The following RBM28 variants were observed in gnomAD, a reference collection of about 807,000 sequenced individuals.
RBM28 encodes the protein RNA binding motif protein 28.
RBM28 carries 78 observed loss-of-function variants against 98.3 expected under a neutral mutation model. The observed-to-expected ratio is 0.79, with a 90% CI of 0.66 to 0.96. The LOEUF (loss-of-function observed/expected upper bound fraction) is 0.96, where lower values mean the gene tolerates loss of function less well. Among genes scored for constraint, RBM28 ranks in the 40% least tolerant of loss-of-function variants. RBM28 has a pLI of 0.00. For synonymous variants in RBM28, 306 were observed against 330.9 expected (o/e 0.92, Z 0.82); for missense variants, 838 against 913.0 (o/e 0.92, Z 1.06).
In RBM28 at chr7:128,298,580, C is replaced by CT. The variant is rs1795739164; in HGVS notation, c.*12216_*12217insA. ...ATGAACGGATTTATTTTCAAATGCC[C>CT]CCCATTGCTCTTCTTTAAATATACA... is the stretch of plus-strand genomic sequence containing the variant. On this transcript the variant is annotated 3_prime_UTR_variant, in exon 19 of 19. Transcript: ENST00000223073. 6.6e-6 allele frequency: 1 copy of CT among 151,144 alleles called. No homozygotes were observed. The highest frequency in any genetic ancestry group is 1.5e-5 in the Non-Finnish European group (1 of 67,892). The allele number at this position is 151,144 out of a possible 1,614,324, so 9.4% of individuals were successfully genotyped here. A position where few individuals can be genotyped will look rare whatever the true frequency, so the allele number is the denominator to read the frequency against.
intron 14 of RBM28, among the ~76,000 whole-genome samples, chr7:128,318,572 TATTAGAATTTACC>T (rs1320934756): frequency 1.3e-5 from 2 of 152,132 alleles, no homozygotes; most frequent in Non-Finnish European, 2.9e-5. Context: ...GTGTCCATCT[TATTAGAATTTACC>T]TACTAAGACC....
intron 16 of RBM28, among the ~76,000 whole-genome samples, chr7:128,316,914 C>T (rs1366226926): frequency 6.6e-6 from 1 of 152,134 alleles, no homozygotes; most frequent in South Asian, 2.1e-4. Flanking sequence ...ACAAAGACTA[C>T]AAATGTTTGC....
chr7:128,306,403 T>A lies in RBM28; in HGVS notation c.*4394A>T, dbSNP rs1795869170. 1.3e-5 allele frequency: 2 copies of A among 152,386 alleles called. No homozygotes were observed. Among genetic ancestry groups the A allele is most frequent in the South Asian group, 4.1e-4 (2 of 4,834 alleles). The allele number at this position is 152,386 out of a possible 1,614,324, so 9.4% of individuals were successfully genotyped here. On this transcript the variant is annotated 3_prime_UTR_variant, in exon 19 of 19. Coordinates refer to ENST00000223073, the MANE Select transcript of RBM28 (RefSeq NM_018077.3). ...TGGGGTCCTTAGGAAATGACTCTGT[T>A]GTCCTTCACAAGCCCAGCTAGGCCC...
intron 5 of RBM28, 45 bp from the exon 6 acceptor site, chr7:128,337,247 A>C (rs1451808104): frequency 6.3e-7 from 1 of 1,594,530 alleles, no homozygotes; most frequent in East Asian, 2.2e-5. Flanking sequence ...CCTTTTAAAA[A>C]CCCTACCTCT....
chr7:128,308,363 T>G lies in RBM28; in HGVS notation c.*2434A>C, dbSNP rs1169102914. On this transcript the variant is annotated 3_prime_UTR_variant, in exon 19 of 19. Coordinates refer to ENST00000223073, the MANE Select transcript of RBM28 (RefSeq NM_018077.3). ...TATTTTTGAATGTTAAAGATATTCG[T>G]GTACTAGGGAAAAAAGAGTGGTGAG... 1.3e-5 allele frequency: 2 copies of G among 151,436 alleles called. No individual in the cohort carries two copies. The highest frequency in any genetic ancestry group is 4.8e-5 in the African/African-American group (2 of 41,380). 9.4% of individuals were successfully genotyped at this position (151,436 alleles called of 1,614,324 possible).
intron 2 of RBM28, 102 bp downstream of exon 2, chr7:128,339,531 A>C: frequency 7.0e-7 from 1 of 1,427,156 alleles, no homozygotes; most frequent in African/African-American, 1.4e-5. Flanking sequence ...AAATGCAAAA[A>C]GCTTTAAGTT....
intron 1 of RBM28, among the ~76,000 whole-genome samples, chr7:128,340,052 C>T (rs1375363651): frequency 6.6e-6 from 1 of 152,128 alleles, no homozygotes; most frequent in Non-Finnish European, 1.5e-5. Context: ...CCCCTTCTTC[C>T]CCCTTTCTTG....
At chr7:128,341,369 G>T (rs933208063) in intron 1 of RBM28, 10 of 322,604 alleles carry the variant, frequency 3.1e-5, no homozygotes, top group Non-Finnish European at 6.2e-5. Context: ...AAATGTAAAA[G>T]AGTTTGACAC....
chr7:128,313,024 A>T (rs1487449891), intron 18 of RBM28, 151 bp downstream of exon 18: 7 of 772,856 alleles, frequency 9.1e-6, no homozygotes, highest in Non-Finnish European at 1.5e-5. Flanking sequence ...CTCCACTTTT[A>T]AGATTGTATA....
intron 10 of RBM28, among the ~76,000 whole-genome samples, chr7:128,328,443 C>T (rs1036085064): frequency 1.6e-4 from 25 of 152,110 alleles, no homozygotes; most frequent in African/African-American, 5.8e-4. Flanking sequence ...GGATAAACTA[C>T]AGGAGCAGCA....
At position 128,310,713 on chromosome 7, in the gene RBM28, T is replaced by G; in HGVS notation, c.*84A>C. The stretch of plus-strand genomic sequence containing the variant: ...CCCTTGGGGATTTTCTTTCCCTCAG[T>G]GAGAGACACGGGGGATGGGGAGGAG... On this transcript the variant is annotated 3_prime_UTR_variant, in exon 19 of 19. Coordinates refer to ENST00000223073, the MANE Select transcript of RBM28 (RefSeq NM_018077.3). The G allele has an allele frequency of 1.9e-6, 3 of 1,560,406 alleles. No homozygotes were observed. The highest frequency in any genetic ancestry group is 1.4e-5 in the African/African-American group (1 of 73,960).
At position 128,299,921 on chromosome 7, in the gene RBM28, G is replaced by C. The variant is rs1256203434; in HGVS notation, c.*10876C>G. 1 of 152,274 alleles carries C rather than the reference G, an allele frequency of 6.6e-6. No individual in the cohort carries two copies. Among genetic ancestry groups the C allele is most frequent in the Admixed American group, 6.5e-5 (1 of 15,288 alleles). The allele number at this position is 152,274 out of a possible 1,614,324, so 9.4% of individuals were successfully genotyped here. On this transcript the variant is annotated 3_prime_UTR_variant, in exon 19 of 19. Coordinates refer to ENST00000223073, the MANE Select transcript of RBM28 (RefSeq NM_018077.3). ...AAGATGGCCATGTGACAACGAGGCA[G>C]AGACTGCAGTGATGCATCTATATGC... is the stretch of plus-strand genomic sequence containing the variant.
chr7:128,313,503 G>A (rs1047525547), intron 17 of RBM28, among the ~76,000 whole-genome samples: 4 of 152,154 alleles, frequency 2.6e-5, no homozygotes, highest in East Asian at 1.9e-4. Context: ...CTACTACAAC[G>A]AAATTAAAAA....
rs1389511392 is a variant in RBM28 at position 128,321,346 on chromosome 7, G to C, written c.1483C>G (p.Pro495Ala). ...AGCTGTTTGTCATCTACAGCCTTTGGGAGATTGTGCAGGCAGAGCCTGGTT... is the reference window on the plus strand; with the variant it reads ...AGCTGTTTGTCATCTACAGCCTTTGCGAGATTGTGCAGGCAGAGCCTGGTT... ...SRTRLCLHNL[P>A]KAVDDKQLRK... is the part of the protein sequence containing the mutation. Residue 495 changes from proline to alanine, a missense_variant, in exon 14 of 19, where the codon CCA becomes GCA. Physicochemically the swap from Pro to Ala is conservative, Grantham distance 27 (BLOSUM62 -1). Coordinates refer to ENST00000223073, the MANE Select transcript of RBM28 (RefSeq NM_018077.3). 1 of 1,614,204 alleles carries C rather than the reference G, an allele frequency of 6.2e-7. No homozygotes were observed. Among genetic ancestry groups the C allele is most frequent in the South Asian group, 1.1e-5 (1 of 91,088 alleles).
At position 128,320,233 on chromosome 7, in the gene RBM28, A is replaced by G. The variant is rs1426051617; in HGVS notation, c.1563+1033T>C. On this transcript the variant is annotated intron_variant, in intron 14 of 18. Coordinates refer to ENST00000223073, the MANE Select transcript of RBM28 (RefSeq NM_018077.3). ...TCCGTCTCAAAAAAAAAAAAAAAAA[A>G]AAGAAAGAAAGAAAGAAATTAGCCA... is the stretch of plus-strand genomic sequence containing the variant. 1.3e-3 allele frequency among the ~76,000 whole-genome samples: 24 copies of G among 17,898 alleles called. 1 individual carries two copies. Among genetic ancestry groups the G allele is most frequent in the Admixed American group, 2.4e-3 (2 of 830 alleles). 11.7% of individuals were successfully genotyped at this position (17,898 alleles called of 152,430 possible). A position where few individuals can be genotyped will look rare whatever the true frequency, so the allele number is the denominator to read the frequency against.
chr7:128,334,655 C>A (rs1796557770), intron 8 of RBM28, among the ~76,000 whole-genome samples: 2 of 152,122 alleles, frequency 1.3e-5, no homozygotes, highest in Admixed American at 1.3e-4. Context: ...TGAATTTATT[C>A]TCAATAAAGG....
chr7:128,319,284 A>T (rs1796171401), intron 14 of RBM28, among the ~76,000 whole-genome samples: 1 of 152,248 alleles, frequency 6.6e-6, no homozygotes, highest in African/African-American at 2.4e-5. Context: ...TCTTACTGAG[A>T]CACTATACAT....
chr7:128,325,331 T>C (rs1260374823), intron 11 of RBM28, among the ~76,000 whole-genome samples: 1 of 152,226 alleles, frequency 6.6e-6, no homozygotes, highest in Non-Finnish European at 1.5e-5. Context: ...AAATGTCTAG[T>C]ATTGTAAAGT....
At chr7:128,320,893 C>T (rs1361092859) in intron 14 of RBM28, among the ~76,000 whole-genome samples, 1 of 152,204 alleles carries the variant, frequency 6.6e-6, no homozygotes, top group Non-Finnish European at 1.5e-5. Flanking sequence ...TGGCCCGGCA[C>T]AGTGGCTCAC....
Sources: allele counts gnomAD v4.1 joint callset (sites outside exome capture counted in the v4.1 genomes callset), GRCh38; gene constraint gnomAD v4.1.1; transcripts MANE v1.5; gene names NCBI Gene and HGNC (gene_info 2026-07-23, HGNC 2026-07-21).